TAS1R3: variants seen among roughly 807,000 people sequenced by gnomAD.
TAS1R3 encodes taste 1 receptor member 3.
Under a neutral mutation model 46.1 loss-of-function variants are expected in TAS1R3, and 58 were observed. That is an observed-to-expected ratio of 1.26 (90% confidence interval 1.02 to 1.57). The LOEUF (loss-of-function observed/expected upper bound fraction) is 1.57. Ranked by LOEUF, TAS1R3 falls within the 40% of genes most tolerant of loss-of-function variation. TAS1R3 has a pLI of 0.00. For missense variants in TAS1R3, 1,422 were observed against 1,185.8 expected, an observed-to-expected ratio of 1.20 and a Z score of -2.93; for synonymous variants, 724 against 544.7, an observed-to-expected ratio of 1.33 and a Z score of -4.58.
At position 1,331,451 on chromosome 1, in the gene TAS1R3, G is replaced by A. The variant is rs754519676; in HGVS notation, c.106G>A (p.Val36Met). The change falls in exon 1 of 6, where the codon GTG becomes ATG. Residue 36 changes from valine (V) to methionine (M), a missense_variant. Val to Met is a conservative substitution (Grantham distance 21). Coordinates refer to ENST00000339381, the MANE Select transcript of TAS1R3 (RefSeq NM_152228.3). ...SQQLRMKGDYVLGGLFPLGEA... is the reference protein window; with the variant it reads ...SQQLRMKGDYMLGGLFPLGEA... ...GCAACTTAGGATGAAGGGGGACTAC[G>A]TGCTGGGGGGGCTGTTCCCCCTGGG... is the stretch of plus-strand genomic sequence containing the variant. 2.4e-5 allele frequency: 39 copies of A among 1,604,560 alleles called. No individual in the cohort carries two copies. Among genetic ancestry groups the A allele is most frequent in the Middle Eastern group, 1.7e-4 (1 of 6,042 alleles).
Position 1,331,424 on chromosome 1 carries a change from C to T in TAS1R3, c.79C>T (p.Gln27Ter). 1.2e-6 allele frequency: 2 copies of T among 1,605,914 alleles called. No homozygotes were observed. The highest frequency in any genetic ancestry group is 1.7e-6 in the Non-Finnish European group (2 of 1,177,144). The change falls in exon 1 of 6, where the codon CAG becomes TAG. Residue 27 changes from glutamine (Q) to a stop codon, truncating the protein, a stop_gained. Transcript: ENST00000339381. LOFTEE classifies it high-confidence loss of function. ...GACGGGGGCCCCATTGTGCCTGTCA[C>T]AGCAACTTAGGATGAAGGGGGACTA... ...PGTGAPLCLS[Q>*]QLRMKGDYVL...
chr1:1,333,541 T>C lies in TAS1R3; in HGVS notation c.1636T>C (p.Trp546Arg), dbSNP rs763629601. The C allele has an allele frequency of 3.1e-6, 5 of 1,603,150 alleles. No individual in the cohort carries two copies. Among genetic ancestry groups the C allele is most frequent in the South Asian group, 2.2e-5 (2 of 91,052 alleles). Residue 546 changes from tryptophan to arginine, a missense_variant, in exon 6 of 6, where the codon TGG becomes CGG. Coordinates refer to ENST00000339381, the MANE Select transcript of TAS1R3 (RefSeq NM_152228.3). ...CTGCACCTTTTGTGGCCAGGATGAG[T>C]GGTCCCCGGAGCGAAGCACACGCTG... is the stretch of plus-strand genomic sequence containing the variant. ...IACTFCGQDE[W>R]SPERSTRCFR...
Position 1,331,313 on chromosome 1 carries a change from C to T in TAS1R3, c.-33C>T. The T allele has an allele frequency of 6.5e-7, 1 of 1,535,052 alleles. No individual in the cohort carries two copies. The highest frequency in any genetic ancestry group is 8.7e-7 in the Non-Finnish European group (1 of 1,143,254). ...CATGTGAGGCCCCAGTCGGGGCAGC[C>T]ACCTGCCGTGCCTGTTGGAAGTTGC... On this transcript the variant is annotated 5_prime_UTR_variant, in exon 1 of 6. Coordinates refer to ENST00000339381, the MANE Select transcript of TAS1R3 (RefSeq NM_152228.3).
In TAS1R3 at chr1:1,332,032, C is replaced by T. The variant is rs781407511; in HGVS notation, c.501C>T (p.Tyr167=). The change falls in exon 3 of 6, where the codon TAC becomes TAT. Residue 167 remains tyrosine (Y), a synonymous_variant. Transcript: ENST00000339381. ...FSFFLMPQVS[Y]GASMELLSAR... ...CCTCTTGGCCCTTGCAGGTCAGCTA[C>T]GGTGCTAGCATGGAGCTGCTGAGCG... 143 of 1,568,510 alleles carry T rather than the reference C, an allele frequency of 9.1e-5. No individual in the cohort carries two copies. In the Admixed American group the frequency reaches 1.9e-3, roughly 20 times the overall value.
In TAS1R3 at chr1:1,332,413, C is replaced by G. The variant is rs779051530; in HGVS notation, c.882C>G (p.Pro294=). ...FNYSISSRLS[P]KVWVASEAWL... ...ACAGCATCAGCAGCAGGCTCTCGCC[C>G]AAGGTGTGGGTGGCCAGCGAGGCCT... Residue 294 remains proline (P), a synonymous_variant, in exon 3 of 6, where the codon CCC becomes CCG. Transcript: ENST00000339381. 5 of 1,606,148 alleles carry G rather than the reference C, an allele frequency of 3.1e-6. No homozygotes were observed. Among genetic ancestry groups the G allele is most frequent in the Non-Finnish European group, 4.2e-6 (5 of 1,177,744 alleles).
In TAS1R3 at chr1:1,332,835, C is replaced by T. The variant is rs753473705; in HGVS notation, c.1275+29C>T. ...AGCCCGGGAGATGGGGGTGTGCTGT[C>T]CTCTGCATGTGCCCAGGCCACCAGG... is the stretch of plus-strand genomic sequence containing the variant. On this transcript the variant is annotated intron_variant, in intron 3 of 5. Coordinates refer to ENST00000339381, the MANE Select transcript of TAS1R3 (RefSeq NM_152228.3). The T allele has an allele frequency of 2.1e-5, 33 of 1,593,732 alleles. No individual in the cohort carries two copies. The Admixed American group carries it at 4.0e-4, about 20-fold the overall frequency.
rs1462878466 is a variant in TAS1R3, at chr1:1,333,683, A to G, written c.1778A>G (p.His593Arg). The G allele has an allele frequency of 1.2e-6, 2 of 1,611,674 alleles. No homozygotes were observed. The highest frequency in any genetic ancestry group is 1.7e-5 in the Admixed American group (1 of 59,954). ...VLAALGLFVH[H>R]RDSPLVQASG... Reference sequence around the variant, plus strand: ...GCTGCTTTGGGGCTGTTCGTTCACCATCGGGACAGCCCACTGGTTCAGGCC... The same window carrying G: ...GCTGCTTTGGGGCTGTTCGTTCACCGTCGGGACAGCCCACTGGTTCAGGCC... Residue 593 changes from histidine (H) to arginine (R), a missense_variant, in exon 6 of 6, where the codon CAT becomes CGT. Physicochemically the swap from His to Arg is conservative, Grantham distance 29 (BLOSUM62 0). Transcript: ENST00000339381.
In TAS1R3 at chr1:1,332,936, T is replaced by C. The variant is rs1340983845; in HGVS notation, c.1291T>C (p.Tyr431His). The C allele has an allele frequency of 1.3e-5, 21 of 1,610,344 alleles. No individual in the cohort carries two copies. The highest frequency in any genetic ancestry group is 1.8e-5 in the Non-Finnish European group (21 of 1,178,162). The stretch of plus-strand genomic sequence containing the variant: ...CCGCCCGCAGCTCCTGGAGAACATG[T>C]ACAACCTGACCTTCCACGTGGGCGG... ...VKPWQLLENM[Y>H]NLTFHVGGLP... The change falls in exon 4 of 6, where the codon TAC (tyrosine) becomes CAC (histidine). Residue 431 changes from tyrosine to histidine, a missense_variant. Physicochemically the swap from Tyr to His is moderately conservative, Grantham distance 83 (BLOSUM62 2). Transcript: ENST00000339381.
rs371072768 is a variant in TAS1R3, at chr1:1,332,487, G to A, written c.956G>A (p.Gly319Asp). Residue 319 changes from glycine to aspartate, a missense_variant, in exon 3 of 6, where the codon GGC becomes GAC. Gly to Asp is a moderately conservative substitution (Grantham distance 94). Transcript: ENST00000339381. The part of the protein sequence containing the change: ...VMGLPGMAQM[G>D]TVLGFLQRGA... The stretch of plus-strand genomic sequence containing the variant: ...GGGCTGCCCGGCATGGCCCAGATGG[G>A]CACGGTGCTTGGCTTCCTCCAGAGG... 90 of 1,610,318 alleles carry A rather than the reference G, an allele frequency of 5.6e-5. No individual in the cohort carries two copies. Among genetic ancestry groups the A allele is most frequent in the Non-Finnish European group, 6.9e-5 (81 of 1,179,906 alleles).
chr1:1,333,566 G>C lies in TAS1R3; in HGVS notation c.1661G>C (p.Cys554Ser). The change falls in exon 6 of 6, where the codon TGC (cysteine) becomes TCC (serine). Residue 554 changes from cysteine to serine, a missense_variant. By Grantham distance (112) the Cys-to-Ser change is moderately radical. Coordinates refer to ENST00000339381, the MANE Select transcript of TAS1R3 (RefSeq NM_152228.3). ...TGGTCCCCGGAGCGAAGCACACGCT[G>C]CTTCCGCCGCAGGTCTCGGTTCCTG... is the stretch of plus-strand genomic sequence containing the variant. ...DEWSPERSTR[C>S]FRRRSRFLAW... is the part of the protein sequence containing the mutation. The C allele has an allele frequency of 6.2e-7, 1 of 1,605,512 alleles. No individual in the cohort carries two copies. Among genetic ancestry groups the C allele is most frequent in the Non-Finnish European group, 8.5e-7 (1 of 1,179,896 alleles).
chr1:1,332,694 A>G lies in TAS1R3; in HGVS notation c.1163A>G (p.His388Arg), dbSNP rs1252042179. The part of the protein sequence containing the change: ...LQNVSAGLNH[H>R]QTFSVYAAVY... ...AACGTGAGCGCAGGGCTAAATCACCACCAGACGTTCTCTGTCTACGCAGCT... is the reference window on the plus strand; with the variant it reads ...AACGTGAGCGCAGGGCTAAATCACCGCCAGACGTTCTCTGTCTACGCAGCT... Residue 388 changes from histidine (H) to arginine (R), a missense_variant, in exon 3 of 6, where the codon CAC becomes CGC. By Grantham distance (29) the His-to-Arg change is conservative (BLOSUM62 0). Transcript: ENST00000339381. 1 of 1,604,426 alleles carries G rather than the reference A, an allele frequency of 6.2e-7. No individual in the cohort carries two copies. Among genetic ancestry groups the G allele is most frequent in the Non-Finnish European group, 8.5e-7 (1 of 1,179,672 alleles).
Position 1,332,435 on chromosome 1 carries a change from G to A in TAS1R3, c.904G>A (p.Ala302Thr). 1 of 1,608,062 alleles carries A rather than the reference G, an allele frequency of 6.2e-7. No individual in the cohort carries two copies. The highest frequency in any genetic ancestry group is 8.5e-7 in the Non-Finnish European group (1 of 1,179,002). The part of the protein sequence containing the change: ...LSPKVWVASE[A>T]WLTSDLVMGL... ...GCCCAAGGTGTGGGTGGCCAGCGAG[G>A]CCTGGCTGACCTCTGACCTGGTCAT... Residue 302 changes from alanine to threonine, a missense_variant, in exon 3 of 6, where the codon GCC (alanine) becomes ACC (threonine). Coordinates refer to ENST00000339381, the MANE Select transcript of TAS1R3 (RefSeq NM_152228.3).
Position 1,334,492 on chromosome 1 carries a change from A to G in TAS1R3, c.*28A>G, listed in dbSNP as rs528530145. The stretch of plus-strand genomic sequence containing the variant: ...CAACCCTGTGATCTCAGCCCCGGTG[A>G]ACCCAGACTTAGCTGCGATCCCCCC... On this transcript the variant is annotated 3_prime_UTR_variant, in exon 6 of 6. Transcript: ENST00000339381. The G allele has an allele frequency of 1.1e-5, 16 of 1,484,574 alleles. No individual in the cohort carries two copies. The highest frequency in any genetic ancestry group is 2.8e-5 in the African/African-American group (2 of 72,004). The allele number at this position is 1,484,574 out of a possible 1,614,324, so 92.0% of individuals were successfully genotyped here.
In TAS1R3 at chr1:1,332,055, G is replaced by C; in HGVS notation, c.524G>C (p.Ser175Thr). ...VSYGASMELLSARETFPSFFR... is the reference protein window; with the variant it reads ...VSYGASMELLTARETFPSFFR... ...TACGGTGCTAGCATGGAGCTGCTGA[G>C]CGCCCGGGAGACCTTCCCCTCCTTC... Residue 175 changes from serine (S) to threonine (T), a missense_variant, in exon 3 of 6, where the codon AGC becomes ACC. By Grantham distance (58) the Ser-to-Thr change is moderately conservative. Transcript: ENST00000339381. 1 of 1,605,606 alleles carries C rather than the reference G, an allele frequency of 6.2e-7. No homozygotes were observed. The highest frequency in any genetic ancestry group is 8.5e-7 in the Non-Finnish European group (1 of 1,179,864).
At chr1:1,333,149 G>A (rs1345287457) in intron 4 of TAS1R3, 25 bp downstream of exon 4, 1 of 1,604,680 alleles carries the variant, frequency 6.2e-7, no homozygotes, top group African/African-American at 1.3e-5. Flanking sequence ...GGTGTGCCAG[G>A]CGTGCCCGTG....
At position 1,331,921 on chromosome 1, in the gene TAS1R3, T is replaced by C. The variant is rs1288110997; in HGVS notation, c.475T>C (p.Phe159Leu). 1 of 1,611,580 alleles carries C rather than the reference T, an allele frequency of 6.2e-7. No homozygotes were observed. The highest frequency in any genetic ancestry group is 8.5e-7 in the Non-Finnish European group (1 of 1,179,090). ...CATGGTCACCGGCAAGTTCTTCAGC[T>C]TCTTCCTCATGCCCCAGGTGGGCGC... ...LAMVTGKFFS[F>L]FLMPQVSYGA... The change falls in exon 2 of 6, where the codon TTC becomes CTC. Residue 159 changes from phenylalanine to leucine, a missense_variant. Transcript: ENST00000339381.
chr1:1,333,868 G>A lies in TAS1R3; in HGVS notation c.1963G>A (p.Ala655Thr). Reference sequence around the variant, plus strand: ...CTGCCTGAGCACACTCTTCCTGCAGGCGGCCGAGATCTTCGTGGAGTCAGA... The same window carrying A: ...CTGCCTGAGCACACTCTTCCTGCAGACGGCCGAGATCTTCGTGGAGTCAGA... ...TGCLSTLFLQ[A>T]AEIFVESELP... is the part of the protein sequence containing the mutation. Residue 655 changes from alanine to threonine, a missense_variant, in exon 6 of 6, where the codon GCG becomes ACG. By Grantham distance (58) the Ala-to-Thr change is moderately conservative (BLOSUM62 0). Transcript: ENST00000339381. The A allele has an allele frequency of 6.2e-7, 1 of 1,600,360 alleles. No individual in the cohort carries two copies. Among genetic ancestry groups the A allele is most frequent in the Non-Finnish European group, 8.5e-7 (1 of 1,179,818 alleles).
chr1:1,332,754 T>G lies in TAS1R3; in HGVS notation c.1223T>G (p.Leu408Arg). The G allele has an allele frequency of 1.9e-6, 3 of 1,605,760 alleles. No homozygotes were observed. The highest frequency in any genetic ancestry group is 2.5e-6 in the Non-Finnish European group (3 of 1,179,826). ...GTGGCCCAGGCCCTGCACAACACTC[T>G]TCAGTGCAACGCCTCAGGCTGCCCC... is the stretch of plus-strand genomic sequence containing the variant. ...YSVAQALHNT[L>R]QCNASGCPAQ... The change falls in exon 3 of 6, where the codon CTT (leucine) becomes CGT (arginine). Residue 408 changes from leucine to arginine, a missense_variant. Transcript: ENST00000339381.
In TAS1R3 at chr1:1,331,292, TGAGGCCCCAGTCGGG is replaced by T; in HGVS notation, c.-52_-38del. On this transcript the variant is annotated 5_prime_UTR_variant, in exon 1 of 6. It removes the in-frame stop codon of an upstream open reading frame in the 5' UTR. Transcript: ENST00000339381. Reference sequence around the variant, plus strand: ...CTCCCCGCCCCGGGCTCACTCCATGTGAGGCCCCAGTCGGGGCAGCCACCTGCCGTGCCTGTTGGA... The same window carrying T: ...CTCCCCGCCCCGGGCTCACTCCATGTGCAGCCACCTGCCGTGCCTGTTGGA... 6.0e-6 allele frequency: 9 copies of T among 1,510,178 alleles called. No homozygotes were observed. In the South Asian group the frequency reaches 1.2e-4, roughly 20 times the overall value. The allele number at this position is 1,510,178 out of a possible 1,614,324, so 93.5% of individuals were successfully genotyped here.
Sources: allele counts gnomAD v4.1 joint callset, GRCh38; gene constraint gnomAD v4.1.1; transcripts MANE v1.5; gene names NCBI Gene and HGNC (gene_info 2026-07-23, HGNC 2026-07-21).